Variants in ANKFN1 observed in about 807,000 individuals in gnomAD.
ANKFN1 encodes ankyrin repeat and fibronectin type III domain containing 1.
In ANKFN1, 74 loss-of-function variants were observed where a neutral mutation model predicts 108.7. That is an observed-to-expected ratio of 0.68 (90% CI 0.56 to 0.83). ANKFN1 has a LOEUF of 0.83. ANKFN1 is among the 40% of genes least tolerant of loss of function. ANKFN1 has a pLI of 0.00. For synonymous variants in ANKFN1, 547 were observed against 516.2 expected (o/e 1.06, Z -0.81); for missense variants, 1,505 against 1,382.3 (o/e 1.09, Z -1.41).
At chr17:56,336,740 G>A (rs1451048286) in intron 4 of ANKFN1, among the ~76,000 whole-genome samples, 1 of 152,036 alleles carries the variant, frequency 6.6e-6, no homozygotes, top group Admixed American at 6.6e-5. Context: ...TCTGATCTTA[G>A]TTATTTATTG....
chr17:56,451,073 A>C (rs1009920947), intron 11 of ANKFN1, among the ~76,000 whole-genome samples: 16 of 152,240 alleles, frequency 1.1e-4, no homozygotes, highest in Admixed American at 1.0e-3. Context: ...AACAGTGCTC[A>C]AAGTATGTTC....
chr17:56,059,887 G>A (rs1157265040), intron 4 of ANKFN1, among the ~76,000 whole-genome samples: 1 of 152,090 alleles, frequency 6.6e-6, no homozygotes, highest in East Asian at 1.9e-4. Context: ...TGTTCTTTTT[G>A]CTTAGAATTG....
intron 8 of ANKFN1, among the ~76,000 whole-genome samples, chr17:56,378,385 C>G (rs1277760508): frequency 2.0e-5 from 3 of 152,154 alleles, no homozygotes; most frequent in Admixed American, 2.0e-4. Context: ...GGAGAAAACC[C>G]TGACATCACA....
At chr17:56,174,306 G>A (rs1910932912) in intron 1 of ANKFN1, 1 of 985,456 alleles carries the variant, frequency 1.0e-6, no homozygotes, top group East Asian at 1.1e-4. Flanking sequence ...GCCTAGCCAG[G>A]GGACCCTGGA....
At chr17:56,282,413 C>G (rs536324981) in intron 3 of ANKFN1, among the ~76,000 whole-genome samples, 1 of 151,880 alleles carries the variant, frequency 6.6e-6, no homozygotes, top group Non-Finnish European at 1.5e-5. Flanking sequence ...ATACATTTAT[C>G]AAAACATTTG....
At position 56,061,493 on chromosome 17, in the gene ANKFN1, G is replaced by A. The variant is rs190907152; in HGVS notation, c.288+15168G>A. ...TCTCCATGTTGGGCAGGCTGTTCTC[G>A]AACTCCTGACCTCAGGTGATCTGCC... On this transcript the variant is annotated intron_variant, in intron 4 of 12. Coordinates refer to the ANKFN1 transcript ENST00000635860. Among the ~76,000 whole-genome samples the A allele has an allele frequency of 3.8e-4, 57 of 151,830 alleles. No homozygotes were observed. In the East Asian group the frequency reaches 9.1e-3, roughly 24 times the overall value.
At chr17:56,422,023 A>C (rs897447552) in intron 8 of ANKFN1, among the ~76,000 whole-genome samples, 2 of 152,166 alleles carry the variant, frequency 1.3e-5, no homozygotes, top group Admixed American at 1.3e-4. Context: ...TATCCCTCTC[A>C]TGGGTGAAAT....
At chr17:56,206,568 G>A (rs1208273303) in intron 1 of ANKFN1, 1 of 152,188 alleles carries the variant, frequency 6.6e-6, no homozygotes, top group Non-Finnish European at 1.5e-5. Flanking sequence ...ATGGATCACA[G>A]TGTTATCTGG....
chr17:56,391,212 C>CATAT (rs202114506), intron 8 of ANKFN1, among the ~76,000 whole-genome samples: 2,750 of 120,574 alleles, frequency 0.023, 37 homozygotes, highest in African/African-American at 0.028. Flanking sequence ...CCCAAGAATA[C>CATAT]ATATATATAT....
intron 1 of ANKFN1, among the ~76,000 whole-genome samples, chr17:56,175,748 A>G (rs894417063): frequency 1.3e-4 from 20 of 152,178 alleles, no homozygotes; most frequent in Admixed American, 1.2e-3. Context: ...TCAGTTATCA[A>G]TCAATGGAGA....
chr17:56,131,148 G>T (rs181520496), intron 4 of ANKFN1, among the ~76,000 whole-genome samples: 101 of 152,246 alleles, frequency 6.6e-4, no homozygotes, highest in African/African-American at 2.2e-3. Context: ...CAGATAAAGG[G>T]CAAATGGAAG....
intron 8 of ANKFN1, among the ~76,000 whole-genome samples, chr17:56,383,205 C>T (rs1384668738): frequency 7.9e-5 from 12 of 151,930 alleles, no homozygotes; most frequent in South Asian, 6.3e-4. Flanking sequence ...ACATGGAAAC[C>T]GAACAACCTG....
chr17:56,357,649 A>G (rs1278766924), intron 6 of ANKFN1, among the ~76,000 whole-genome samples: 1 of 152,202 alleles, frequency 6.6e-6, no homozygotes, highest in Non-Finnish European at 1.5e-5. Context: ...TTCACTTTAT[A>G]TATCAAGTAC....
intron 4 of ANKFN1, among the ~76,000 whole-genome samples, chr17:56,146,095 C>T (rs1180736081): frequency 6.6e-6 from 1 of 152,212 alleles, no homozygotes; most frequent in Non-Finnish European, 1.5e-5. Flanking sequence ...GTCCAAAATC[C>T]AGTGGGGCAG....
At chr17:56,170,037 G>C (rs1293020306) in intron 1 of ANKFN1, among the ~76,000 whole-genome samples, 1 of 152,116 alleles carries the variant, frequency 6.6e-6, no homozygotes, top group Non-Finnish European at 1.5e-5. Context: ...GAAGAAAAAA[G>C]ACCTTGCAAG....
At chr17:56,052,819 A>C (rs1904801393) in intron 4 of ANKFN1, among the ~76,000 whole-genome samples, 1 of 152,172 alleles carries the variant, frequency 6.6e-6, no homozygotes, top group Non-Finnish European at 1.5e-5. Flanking sequence ...CAGAGAGTAG[A>C]TGGGGTCTCA....
intron 4 of ANKFN1, among the ~76,000 whole-genome samples, chr17:56,147,985 C>A (rs912403116): frequency 2.0e-5 from 3 of 152,170 alleles, no homozygotes; most frequent in Non-Finnish European, 2.9e-5. Context: ...TTCATAAGTG[C>A]TCTCTAAAGG....
At chr17:56,421,328 T>G (rs1281269172) in intron 8 of ANKFN1, among the ~76,000 whole-genome samples, 1 of 152,154 alleles carries the variant, frequency 6.6e-6, no homozygotes, top group Non-Finnish European at 1.5e-5. Flanking sequence ...GTGAAACGTA[T>G]GTCAGTTCTG....
chr17:56,298,782 T>C (rs753939178), intron 3 of ANKFN1, among the ~76,000 whole-genome samples: 1 of 152,266 alleles, frequency 6.6e-6, no homozygotes, highest in Non-Finnish European at 1.5e-5. Context: ...TTTGAATTTA[T>C]CTGTTTTTGG....
Sources: gnomAD v4.1 joint callset for allele counts (sites outside exome capture counted in the v4.1 genomes callset) on GRCh38, gnomAD v4.1.1 for gene constraint, MANE v1.5 for transcripts, NCBI Gene and HGNC (gene_info 2026-07-23, HGNC 2026-07-21) for gene names.